The following SOS1 variants were observed in gnomAD, a reference collection of about 807,000 sequenced individuals.
SOS1 encodes son of sevenless homolog 1.
Under a neutral mutation model 157.6 loss-of-function variants are expected in SOS1, and 25 were observed. The observed-to-expected ratio is 0.16, with a 90% CI of 0.12 to 0.22. SOS1 has a LOEUF of 0.22. Among genes scored for constraint, SOS1 ranks in the 10% least tolerant of loss-of-function variants. The pLI, the probability that SOS1 is intolerant of heterozygous loss-of-function variation, is 1.00. For missense variants in SOS1, 1,237 were observed against 1,599.1 expected (o/e 0.77, Z 3.86); for synonymous variants, 528 against 534.0 (o/e 0.99, Z 0.16).
chr2:39,015,346 TA>T (rs1319200618), intron 10 of SOS1, among the ~76,000 whole-genome samples: 25 of 152,112 alleles, frequency 1.6e-4, no homozygotes, highest in African/African-American at 5.8e-4. Flanking sequence ...TAGCTAAAGT[TA>T]AATACAGTTT....
chr2:39,076,438 T>A (rs952634453), intron 1 of SOS1, among the ~76,000 whole-genome samples: 1 of 151,498 alleles, frequency 6.6e-6, no homozygotes, highest in Admixed American at 6.6e-5. Flanking sequence ...AATTTAGGAA[T>A]GTTTAGAAAA....
At chr2:39,018,365 A>G (rs2124527272) in intron 10 of SOS1, among the ~76,000 whole-genome samples, 1 of 151,890 alleles carries the variant, frequency 6.6e-6, no homozygotes, top group Admixed American at 6.6e-5. Flanking sequence ...CTTGACTCTC[A>G]AATCCCTACG....
At chr2:39,086,208 G>A (rs1672362479) in intron 1 of SOS1, among the ~76,000 whole-genome samples, 1 of 152,230 alleles carries the variant, frequency 6.6e-6, no homozygotes, top group Admixed American at 6.5e-5. Context: ...AAGCTGAAGG[G>A]TGAGCAGAAT....
At chr2:39,057,724 G>A (rs899892635) in intron 3 of SOS1, among the ~76,000 whole-genome samples, 1 of 151,964 alleles carries the variant, frequency 6.6e-6, no homozygotes, top group East Asian at 1.9e-4. Flanking sequence ...AATTCCCTTA[G>A]AATACAATTC....
intron 6 of SOS1, among the ~76,000 whole-genome samples, chr2:39,046,894 T>A (rs1343190293): frequency 6.6e-6 from 1 of 152,236 alleles, no homozygotes; most frequent in Non-Finnish European, 1.5e-5. Flanking sequence ...ATCCAATGCA[T>A]CTTATAATGA....
intron 1 of SOS1, among the ~76,000 whole-genome samples, chr2:39,096,337 T>C (rs2148196472): frequency 6.6e-6 from 1 of 152,366 alleles, no homozygotes; most frequent in East Asian, 1.9e-4. Flanking sequence ...AGTTTATTGA[T>C]GGAAATCTGT....
chr2:39,014,394 T>G (rs573469571), intron 11 of SOS1, among the ~76,000 whole-genome samples: 20 of 152,206 alleles, frequency 1.3e-4, no homozygotes, highest in Admixed American at 2.6e-4. Context: ...AATATTTTCC[T>G]TCCATCACAG....
intron 8 of SOS1, among the ~76,000 whole-genome samples, chr2:39,028,663 A>G (rs948115008): frequency 2.6e-5 from 4 of 152,342 alleles, no homozygotes; most frequent in Middle Eastern, 3.4e-3. Context: ...AAAAACCTCA[A>G]TATTCACTAA....
At chr2:39,051,521 A>T (rs1450184439) in intron 5 of SOS1, among the ~76,000 whole-genome samples, 1 of 151,816 alleles carries the variant, frequency 6.6e-6, no homozygotes, top group Non-Finnish European at 1.5e-5. Context: ...TGGTCTCAGG[A>T]CTCCTTCACA....
At chr2:39,113,606 A>T (rs1476133877) in intron 1 of SOS1, among the ~76,000 whole-genome samples, 1 of 152,226 alleles carries the variant, frequency 6.6e-6, no homozygotes, top group Non-Finnish European at 1.5e-5. Flanking sequence ...GGGCAAATTT[A>T]ACTTTCCAAA....
At chr2:39,118,460 T>C (rs1572905571) in intron 1 of SOS1, among the ~76,000 whole-genome samples, 1 of 152,330 alleles carries the variant, frequency 6.6e-6, no homozygotes, top group East Asian at 1.9e-4. Context: ...GCTATTTAAA[T>C]AAGAATTGGA....
rs1248655070 is a variant in SOS1, at chr2:38,983,633, T to C, written c.*2191A>G. The C allele has an allele frequency of 2.0e-5, 3 of 152,154 alleles. No homozygotes were observed. Among genetic ancestry groups the C allele is most frequent in the Non-Finnish European group, 4.4e-5 (3 of 68,012 alleles). The allele number at this position is 152,154 out of a possible 1,614,324, so 9.4% of individuals were successfully genotyped here. ...ATACTGAAGGGGGTCCAATGTGACT[T>C]TTACCAGGTTCTCATTTGGAATGTG... is the stretch of plus-strand genomic sequence containing the variant. On this transcript the variant is annotated 3_prime_UTR_variant, in exon 23 of 23. Transcript: ENST00000402219.
At position 39,023,838 on chromosome 2, in the gene SOS1, G is replaced by C. The variant is rs983605809; in HGVS notation, c.1202+172C>G. On this transcript the variant is annotated intron_variant, in intron 9 of 22. Coordinates refer to ENST00000402219, the MANE Select transcript of SOS1 (RefSeq NM_005633.4). ...CAAGGAAAATGCACAAATATGAAAG[G>C]TTTTTCAAACAATAACAATTCTCTT... The C allele has an allele frequency of 6.7e-6, 4 of 596,102 alleles. No individual in the cohort carries two copies. The African/African-American group carries it at 7.5e-5, about 11-fold the overall frequency. 36.9% of individuals were successfully genotyped at this position (596,102 alleles called of 1,614,324 possible).
chr2:39,025,178 G>C (rs190385220), intron 8 of SOS1, among the ~76,000 whole-genome samples: 1 of 152,292 alleles, frequency 6.6e-6, no homozygotes, highest in African/African-American at 2.4e-5. Flanking sequence ...GCCCAGGTGG[G>C]AGGATCGCTT....
At chr2:39,095,524 G>A (rs1672740890) in intron 1 of SOS1, among the ~76,000 whole-genome samples, 1 of 152,204 alleles carries the variant, frequency 6.6e-6, no homozygotes, top group Non-Finnish European at 1.5e-5. Context: ...CCAGAGTTCT[G>A]CAGGCTACAT....
chr2:39,022,586 C>T lies in SOS1; in HGVS notation c.1842G>A (p.Thr614=), dbSNP rs143750479. The T allele has an allele frequency of 1.2e-5, 20 of 1,612,892 alleles. No homozygotes were observed. Among genetic ancestry groups the T allele is most frequent in the African/African-American group, 1.2e-4 (9 of 74,976 alleles). Residue 614 remains threonine (T), a synonymous_variant, in exon 10 of 23, where the codon ACG becomes ACA. Transcript: ENST00000402219. The stretch of plus-strand genomic sequence containing the variant: ...AATTCTTACCTGCGTACATATGGTA[C>T]GTAAGCCTCTCTATAAGTTTAATAA... ...GTVIKLIERL[T]YHMYADPNFV...
intron 6 of SOS1, among the ~76,000 whole-genome samples, chr2:39,045,766 G>A (rs1331411065): frequency 6.6e-6 from 1 of 152,176 alleles, no homozygotes; most frequent in Non-Finnish European, 1.5e-5. Flanking sequence ...CTGGAGTGCA[G>A]TGGCATGATC....
intron 21 of SOS1, among the ~76,000 whole-genome samples, chr2:38,987,916 C>T (rs1387349424): frequency 3.9e-5 from 6 of 152,148 alleles, no homozygotes; most frequent in African/African-American, 1.4e-4. Flanking sequence ...CAGTGAGCTA[C>T]TGAAAATCTT....
At chr2:39,055,804 A>G (rs541527076) in intron 4 of SOS1, among the ~76,000 whole-genome samples, 1 of 152,332 alleles carries the variant, frequency 6.6e-6, no homozygotes, top group South Asian at 2.1e-4. Flanking sequence ...AGACTCAGAG[A>G]GACCTGGAGT....
Sources: gnomAD v4.1 joint callset for allele counts (sites outside exome capture counted in the v4.1 genomes callset) on GRCh38, gnomAD v4.1.1 for gene constraint, MANE v1.5 for transcripts, NCBI Gene and HGNC (gene_info 2026-07-23, HGNC 2026-07-21) for gene names.